Variants in CSPP1 observed in about 807,000 individuals in gnomAD.
The protein encoded by CSPP1 is centrosome and spindle pole associated protein 1, also known as centrosome and spindle pole-associated protein 1.
In CSPP1, 126 loss-of-function variants were observed where a neutral mutation model predicts 164.4. The ratio of observed to expected loss-of-function variants is 0.77; its 90% confidence interval spans 0.66 to 0.89. The LOEUF (loss-of-function observed/expected upper bound fraction) is 0.89. CSPP1 is among the 40% of genes least tolerant of loss of function. The pLI is 0.00. For synonymous variants in CSPP1, 472 were observed against 476.7 expected, an observed-to-expected ratio of 0.99 and a Z score of 0.13; for missense variants, 1,395 against 1,449.8, an observed-to-expected ratio of 0.96 and a Z score of 0.61.
At chr8:67,181,243 G>A (rs558908325) in intron 28 of CSPP1, among the ~76,000 whole-genome samples, 38 of 150,402 alleles carry the variant, frequency 2.5e-4, no homozygotes, top group African/African-American at 8.8e-4. Flanking sequence ...TCCCTATGTT[G>A]CCCAGGCTGG....
chr8:67,196,482 A>G lies in CSPP1; in HGVS notation c.*889A>G, dbSNP rs1291633210. On this transcript the variant is annotated 3_prime_UTR_variant, in exon 31 of 31. Transcript: ENST00000678616. ...ATTGTGACATTCTGACTCAGATTAG[A>G]ATCTCAGAACCATGACAGCTGAGAA... Among the ~76,000 whole-genome samples, 3 of 152,228 alleles carry G rather than the reference A, an allele frequency of 2.0e-5. No individual in the cohort carries two copies. The highest frequency in any genetic ancestry group is 4.4e-5 in the Non-Finnish European group (3 of 68,040).
intron 27 of CSPP1, among the ~76,000 whole-genome samples, chr8:67,179,330 A>G (rs1241212287): frequency 6.6e-6 from 1 of 152,112 alleles, no homozygotes. Flanking sequence ...GGCTGTCATA[A>G]TCTGAGAGTA....
Position 67,112,023 on chromosome 8 carries a change from A to G in CSPP1, c.1145A>G (p.Glu382Gly). 6.2e-7 allele frequency: 1 copy of G among 1,612,506 alleles called. No homozygotes were observed. The highest frequency in any genetic ancestry group is 8.5e-7 in the Non-Finnish European group (1 of 1,179,144). Reference protein sequence around the residue: ...IQRRKEKYRLELLEQMAEQQR... With the variant: ...IQRRKEKYRLGLLEQMAEQQR... ...AGAAGGAAAGAGAAATACAGACTAGAACTGTTGGAACAAATGGCTGAGCAA... is the reference window on the plus strand; with the variant it reads ...AGAAGGAAAGAGAAATACAGACTAGGACTGTTGGAACAAATGGCTGAGCAA... Residue 382 changes from glutamate (E) to glycine (G), a missense_variant, in exon 10 of 31, where the codon GAA becomes GGA. Coordinates refer to ENST00000678616, the MANE Select transcript of CSPP1 (RefSeq NM_001382391.1).
intron 26 of CSPP1, among the ~76,000 whole-genome samples, chr8:67,177,033 T>C (rs2129569336): frequency 7.4e-6 from 1 of 135,168 alleles, no homozygotes; most frequent in South Asian, 2.2e-4. Flanking sequence ...ATCGTGCCAC[T>C]GCACTCCAGC....
intron 15 of CSPP1, among the ~76,000 whole-genome samples, chr8:67,129,589 G>A (rs1427499580): frequency 2.6e-5 from 4 of 152,270 alleles, no homozygotes; most frequent in Middle Eastern, 3.4e-3. Flanking sequence ...ATTGATAATA[G>A]TCAAAAAGTG....
intron 17 of CSPP1, 127 bp from the exon 18 acceptor site, chr8:67,149,656 T>G: frequency 1.7e-6 from 1 of 575,166 alleles, no homozygotes; most frequent in East Asian, 3.1e-5. Flanking sequence ...CACCAACATA[T>G]CATTGAATTA....
intron 15 of CSPP1, among the ~76,000 whole-genome samples, chr8:67,123,399 T>C (rs1819376112): frequency 6.6e-6 from 1 of 152,218 alleles, no homozygotes; most frequent in African/African-American, 2.4e-5. Flanking sequence ...TAAATGTTGC[T>C]GTTCTGGTTC....
At chr8:67,103,308 G>A (rs1315161395) in intron 8 of CSPP1, among the ~76,000 whole-genome samples, 173 bp downstream of exon 8, 3 of 152,124 alleles carry the variant, frequency 2.0e-5, no homozygotes, top group Non-Finnish European at 4.4e-5. Flanking sequence ...AATGAAAATC[G>A]ATAGTACTTT....
intron 15 of CSPP1, among the ~76,000 whole-genome samples, chr8:67,128,496 G>A (rs539894793): frequency 8.1e-5 from 12 of 148,238 alleles, no homozygotes; most frequent in South Asian, 2.1e-4. Flanking sequence ...CCAAGATCAC[G>A]CCACTGAACT....
At chr8:67,105,875 T>C (rs760737116) in intron 8 of CSPP1, 30 bp from the exon 9 acceptor site, 4 of 1,268,274 alleles carry the variant, frequency 3.2e-6, no homozygotes, top group African/African-American at 3.0e-5. Context: ...GATTTTAATT[T>C]ACTCTTTTTC....
intron 3 of CSPP1, among the ~76,000 whole-genome samples, chr8:67,083,358 C>T (rs1809610407): frequency 6.6e-6 from 1 of 150,888 alleles, no homozygotes; most frequent in South Asian, 2.1e-4. Flanking sequence ...ATGGTGAAAC[C>T]CCGCCTCCAC....
chr8:67,165,888 C>T (rs1477326205), intron 24 of CSPP1, among the ~76,000 whole-genome samples: 1 of 152,210 alleles, frequency 6.6e-6, no homozygotes, highest in East Asian at 1.9e-4. Flanking sequence ...AGCTTCATCT[C>T]TTGGAGCAGG....
At chr8:67,146,585 A>T (rs1290293678) in intron 17 of CSPP1, among the ~76,000 whole-genome samples, 2 of 152,198 alleles carry the variant, frequency 1.3e-5, no homozygotes, top group African/African-American at 2.4e-5. Flanking sequence ...AATTTTGCTT[A>T]GCTCTCTGAA....
intron 17 of CSPP1, among the ~76,000 whole-genome samples, chr8:67,141,393 C>G (rs575820489): frequency 1.3e-5 from 2 of 152,172 alleles, no homozygotes; most frequent in Non-Finnish European, 2.9e-5. Flanking sequence ...ATGCCGTCTT[C>G]ATGCCATGAA....
chr8:67,144,952 G>T (rs941143974), intron 17 of CSPP1, among the ~76,000 whole-genome samples: 2 of 151,098 alleles, frequency 1.3e-5, no homozygotes, highest in Non-Finnish European at 2.9e-5. Flanking sequence ...TGCTCCTGTG[G>T]TCCCAGCTAC....
intron 28 of CSPP1, among the ~76,000 whole-genome samples, chr8:67,190,320 G>T (rs1835860289): frequency 6.6e-6 from 1 of 152,182 alleles, no homozygotes; most frequent in Non-Finnish European, 1.5e-5. Context: ...AAAGACAAAA[G>T]ATTAAGTTGT....
chr8:67,179,832 A>T, intron 27 of CSPP1, 31 bp from the exon 28 acceptor site: 1 of 1,484,738 alleles, frequency 6.7e-7, no homozygotes, highest in Non-Finnish European at 9.4e-7. Flanking sequence ...CAAAACTAAT[A>T]AAAATAGTCA....
At chr8:67,095,162 A>G (rs1041796841) in intron 6 of CSPP1, 131 bp from the exon 7 acceptor site, 1 of 490,188 alleles carries the variant, frequency 2.0e-6, no homozygotes, top group Non-Finnish European at 3.5e-6. Context: ...GTATATATAT[A>G]TAAATATATG....
In CSPP1 at chr8:67,091,885, T is replaced by A; in HGVS notation, c.384+2T>A. The A allele has an allele frequency of 1.4e-5, 18 of 1,291,158 alleles. No individual in the cohort carries two copies. The highest frequency in any genetic ancestry group is 1.8e-5 in the Non-Finnish European group (17 of 968,084). 80.0% of individuals were successfully genotyped at this position (1,291,158 alleles called of 1,614,324 possible). A position where few individuals can be genotyped will look rare whatever the true frequency, so the allele number is the denominator to read the frequency against. ...ATTGGTGAGAGGTTATCTGCTAAGG[T>A]AGGTGGATAGGAGTAGTTATTGTGG... On this transcript the variant is annotated splice_donor_variant, in intron 5 of 30. Coordinates refer to ENST00000678616, the MANE Select transcript of CSPP1 (RefSeq NM_001382391.1). LOFTEE classifies it high-confidence loss of function.
Sources: gnomAD v4.1 joint callset for allele counts (sites outside exome capture counted in the v4.1 genomes callset) on GRCh38, gnomAD v4.1.1 for gene constraint, MANE v1.5 for transcripts, NCBI Gene and HGNC (gene_info 2026-07-23, HGNC 2026-07-21) for gene names.